Variants in NLGN1 observed in about 807,000 individuals in gnomAD.
The protein encoded by NLGN1 is neuroligin 1.
In NLGN1, 12 loss-of-function variants were observed where a neutral mutation model predicts 65.5. The ratio of observed to expected loss-of-function variants is 0.18; its 90% CI spans 0.12 to 0.30. NLGN1 has a LOEUF of 0.30. Among genes scored for constraint, NLGN1 ranks in the 10% least tolerant of loss-of-function variants. NLGN1 has a pLI of 1.00. For missense variants in NLGN1, 750 were observed against 1,007.1 expected, an observed-to-expected ratio of 0.74 and a Z score of 3.46; for synonymous variants, 350 against 359.5, an observed-to-expected ratio of 0.97 and a Z score of 0.30.
At chr3:173,405,546 G>A (rs1248932967) in intron 1 of NLGN1, among the ~76,000 whole-genome samples, 3 of 151,946 alleles carry the variant, frequency 2.0e-5, no homozygotes, top group Non-Finnish European at 4.4e-5. Context: ...TAATACCATA[G>A]CGATAACTAA....
intron 3 of NLGN1, among the ~76,000 whole-genome samples, chr3:173,725,422 T>A (rs1184791929): frequency 6.6e-6 from 1 of 152,178 alleles, no homozygotes; most frequent in Admixed American, 6.5e-5. Flanking sequence ...AACTGAGCCC[T>A]GCTTCATGCA....
At chr3:173,628,555 T>C (rs2149530124) in intron 3 of NLGN1, among the ~76,000 whole-genome samples, 1 of 152,204 alleles carries the variant, frequency 6.6e-6, no homozygotes. Flanking sequence ...AGTTACTGTC[T>C]AATAAAACTG....
intron 1 of NLGN1, among the ~76,000 whole-genome samples, chr3:173,422,932 T>C (rs751874943): frequency 9.2e-5 from 14 of 152,200 alleles, no homozygotes; most frequent in Non-Finnish European, 1.5e-4. Context: ...ATAAAGATAC[T>C]ATCTGAGACT....
At chr3:174,042,176 G>T (rs914422432) in intron 4 of NLGN1, among the ~76,000 whole-genome samples, 10 of 151,982 alleles carry the variant, frequency 6.6e-5, no homozygotes, top group African/African-American at 2.2e-4. Context: ...TCTGTGGCTT[G>T]CCTATTCATT....
intron 4 of NLGN1, among the ~76,000 whole-genome samples, chr3:174,095,467 G>A (rs1186041037): frequency 6.8e-6 from 1 of 146,436 alleles, no homozygotes; most frequent in Non-Finnish European, 1.5e-5. Flanking sequence ...AAGAGCTGAT[G>A]TGTGTGTATG....
At chr3:174,151,419 A>G (rs1445835506) in intron 4 of NLGN1, among the ~76,000 whole-genome samples, 2 of 152,146 alleles carry the variant, frequency 1.3e-5, no homozygotes. Flanking sequence ...AATATTGAAT[A>G]TGCTGATTAT....
chr3:173,840,010 A>G (rs890035589), intron 4 of NLGN1, among the ~76,000 whole-genome samples: 1 of 152,240 alleles, frequency 6.6e-6, no homozygotes, highest in Non-Finnish European at 1.5e-5. Flanking sequence ...AACTTAAGCT[A>G]GAGATTCCAG....
intron 4 of NLGN1, among the ~76,000 whole-genome samples, chr3:173,927,683 AG>A (rs970974155): frequency 3.3e-5 from 5 of 152,106 alleles, no homozygotes; most frequent in Non-Finnish European, 7.4e-5. Context: ...GGAGGAGACA[AG>A]GGGGACATTG....
chr3:173,899,131 C>G (rs1414495221), intron 4 of NLGN1, among the ~76,000 whole-genome samples: 1 of 152,046 alleles, frequency 6.6e-6, no homozygotes, highest in Non-Finnish European at 1.5e-5. Flanking sequence ...ACTTTTCCTC[C>G]AGTGTACCAT....
At chr3:173,465,341 G>A (rs1350670780) in intron 2 of NLGN1, among the ~76,000 whole-genome samples, 3 of 152,154 alleles carry the variant, frequency 2.0e-5, no homozygotes, top group Non-Finnish European at 4.4e-5. Flanking sequence ...GAGCTTTGCA[G>A]GACAACTGAC....
chr3:174,248,050 G>T (rs1175179637), intron 4 of NLGN1, among the ~76,000 whole-genome samples: 3 of 152,198 alleles, frequency 2.0e-5, no homozygotes, highest in Non-Finnish European at 4.4e-5. Context: ...TGCACAATCA[G>T]TTTAGCTTTG....
intron 1 of NLGN1, among the ~76,000 whole-genome samples, chr3:173,434,297 A>G (rs1355988017): frequency 1.3e-5 from 2 of 152,214 alleles, no homozygotes; most frequent in African/African-American, 4.8e-5. Flanking sequence ...TCTTATTCCT[A>G]ATATAATACA....
At chr3:174,199,149 C>T (rs1170241850) in intron 4 of NLGN1, among the ~76,000 whole-genome samples, 4 of 152,056 alleles carry the variant, frequency 2.6e-5, no homozygotes, top group Non-Finnish European at 4.4e-5. Flanking sequence ...GCCCGTCCTG[C>T]ATATTCTTAT....
At chr3:174,214,646 A>G (rs1737282112) in intron 4 of NLGN1, among the ~76,000 whole-genome samples, 1 of 152,192 alleles carries the variant, frequency 6.6e-6, no homozygotes, top group Admixed American at 6.5e-5. Context: ...TAACTATGGC[A>G]ATAATCTGTG....
chr3:173,632,084 A>G (rs920649193), intron 3 of NLGN1, among the ~76,000 whole-genome samples: 1 of 152,134 alleles, frequency 6.6e-6, no homozygotes, highest in Non-Finnish European at 1.5e-5. Flanking sequence ...TGAGTTGCTG[A>G]CAACATAGAA....
intron 4 of NLGN1, among the ~76,000 whole-genome samples, chr3:173,900,776 A>G (rs1025841626): frequency 6.6e-6 from 1 of 152,080 alleles, no homozygotes; most frequent in Non-Finnish European, 1.5e-5. Context: ...TATTTTCACC[A>G]GTAGAGTAAT....
chr3:173,795,185 A>G (rs1713768158), intron 3 of NLGN1, among the ~76,000 whole-genome samples: 1 of 152,098 alleles, frequency 6.6e-6, no homozygotes. Flanking sequence ...ATTGTCATGA[A>G]TGACAGAGCA....
chr3:173,965,297 CT>C (rs1186574187), intron 4 of NLGN1, among the ~76,000 whole-genome samples: 2 of 151,662 alleles, frequency 1.3e-5, no homozygotes, highest in African/African-American at 4.8e-5. Context: ...TTTTTTTCCC[CT>C]AGAACATTTA....
intron 2 of NLGN1, among the ~76,000 whole-genome samples, chr3:173,461,681 TG>T (rs747978547): frequency 6.8e-6 from 1 of 146,926 alleles, no homozygotes; most frequent in Non-Finnish European, 1.5e-5. Context: ...TATTGAATCA[TG>T]TCCGGTTACT....
Sources: allele counts gnomAD v4.1 joint callset (sites outside exome capture counted in the v4.1 genomes callset), GRCh38; gene constraint gnomAD v4.1.1; transcripts MANE v1.5; gene names NCBI Gene and HGNC (gene_info 2026-07-23, HGNC 2026-07-21).